The following ANOS1 variants were observed in gnomAD, a reference collection of about 807,000 sequenced individuals.
ANOS1 encodes the protein anosmin-1.
Under a neutral mutation model 59.0 loss-of-function variants are expected in ANOS1, and 6 were observed. The observed-to-expected ratio is 0.10, with a 90% confidence interval of 0.06 to 0.20. The LOEUF (loss-of-function observed/expected upper bound fraction) is 0.20. ANOS1 is among the 10% of genes least tolerant of loss of function. ANOS1 has a pLI of 1.00. For missense variants in ANOS1, 433 were observed against 542.3 expected (o/e 0.80, Z 2.00); for synonymous variants, 217 against 223.4 (o/e 0.97, Z 0.25).
At chrX:8,715,118 G>T (rs73477323) in intron 1 of ANOS1, among the ~76,000 whole-genome samples, 2,668 of 112,336 alleles carry the variant, frequency 0.024, 87 homozygotes, top group African/African-American at 0.082. Context: ...GAATTAGAAG[G>T]ATGTCTGAAA....
chrX:8,578,327 A>AG (rs1450004672), intron 6 of ANOS1, among the ~76,000 whole-genome samples: 1 of 110,594 alleles, frequency 9.0e-6, no homozygotes, highest in African/African-American at 3.3e-5. Flanking sequence ...TAAAAAAAAA[A>AG]AAAAACTTAG....
intron 6 of ANOS1, among the ~76,000 whole-genome samples, chrX:8,571,604 T>G (rs1203056348): frequency 8.9e-6 from 1 of 112,304 alleles, no homozygotes. Context: ...TTCTGGTTTG[T>G]CTTATTAACA....
intron 2 of ANOS1, among the ~76,000 whole-genome samples, chrX:8,624,078 C>T (rs1931348401): frequency 1.1e-5 from 1 of 94,232 alleles, no homozygotes; most frequent in Non-Finnish European, 2.0e-5. Context: ...TGTGATGGGG[C>T]GATCTCGGCT....
chrX:8,613,183 A>G (rs1161994962), intron 3 of ANOS1, among the ~76,000 whole-genome samples: 1 of 107,492 alleles, frequency 9.3e-6, no homozygotes, highest in Non-Finnish European at 1.9e-5. Flanking sequence ...AACCATTTTC[A>G]TCTGCTGATT....
chrX:8,670,685 T>C (rs1932240469), intron 2 of ANOS1, among the ~76,000 whole-genome samples: 1 of 111,927 alleles, frequency 8.9e-6, no homozygotes, highest in Non-Finnish European at 1.9e-5. Context: ...TAGTCCTGAC[T>C]GTTTCTGGGC....
At chrX:8,703,529 G>A (rs1932766842) in intron 1 of ANOS1, among the ~76,000 whole-genome samples, 1 of 111,736 alleles carries the variant, frequency 8.9e-6, no homozygotes, top group African/African-American at 3.3e-5. Context: ...TGTAGTCAGG[G>A]AAACCAAGTA....
intron 3 of ANOS1, among the ~76,000 whole-genome samples, chrX:8,607,990 G>A (rs1610050): frequency 0.38 from 42,309 of 110,591 alleles, 5,815 homozygotes; most frequent in South Asian, 0.43. Flanking sequence ...TGATGATTTA[G>A]GCAAGTAAAA....
intron 2 of ANOS1, among the ~76,000 whole-genome samples, chrX:8,679,845 T>A (rs1015155964): frequency 1.8e-5 from 2 of 111,428 alleles, no homozygotes; most frequent in African/African-American, 6.5e-5. Context: ...GCAGGGTCCA[T>A]AAACCACACT....
intron 2 of ANOS1, among the ~76,000 whole-genome samples, chrX:8,663,782 A>G (rs141505131): frequency 0.016 from 1,775 of 111,982 alleles, 21 homozygotes; most frequent in African/African-American, 0.046. Flanking sequence ...ACCTTTTCTA[A>G]TAAAATTATT....
chrX:8,591,052 G>GA (rs1425466584), intron 4 of ANOS1, among the ~76,000 whole-genome samples: 12 of 110,353 alleles, frequency 1.1e-4, no homozygotes, highest in Admixed American at 6.8e-4. Flanking sequence ...CCATTAAAAA[G>GA]AAAAAAAAGA....
At chrX:8,610,025 A>C (rs1931020451) in intron 3 of ANOS1, among the ~76,000 whole-genome samples, 1 of 89,136 alleles carries the variant, frequency 1.1e-5, no homozygotes, top group African/African-American at 4.1e-5. Context: ...AAAAAAAAAA[A>C]AAAAAAAAAA....
At chrX:8,635,882 A>G (rs1450032470) in intron 2 of ANOS1, among the ~76,000 whole-genome samples, 1 of 111,934 alleles carries the variant, frequency 8.9e-6, no homozygotes, top group East Asian at 2.8e-4. Context: ...CAGGTTTTAC[A>G]GGCTGAATTA....
chrX:8,710,349 A>G lies in ANOS1; in HGVS notation c.208-10604T>C, dbSNP rs191605207. Among the ~76,000 whole-genome samples the G allele has an allele frequency of 5.2e-3, 578 of 112,100 alleles. 2 individuals carry two copies. The highest frequency in any genetic ancestry group is 0.018 in the African/African-American group (552 of 30,863). Reference sequence around the variant, plus strand: ...TACCTCACCAGCAGTCCTTCTGTGCAAAGTATTTTCATCAATGGGCATTCC... The same window carrying G: ...TACCTCACCAGCAGTCCTTCTGTGCGAAGTATTTTCATCAATGGGCATTCC... On this transcript the variant is annotated intron_variant, in intron 1 of 13. Transcript: ENST00000262648.
At chrX:8,583,195 C>T (rs762449451) in intron 6 of ANOS1, among the ~76,000 whole-genome samples, 11 of 107,049 alleles carry the variant, frequency 1.0e-4, no homozygotes, top group South Asian at 4.3e-4. Context: ...GATACTCCCA[C>T]GCTATAGGAC....
chrX:8,658,578 T>G (rs760544997), intron 2 of ANOS1, among the ~76,000 whole-genome samples: 4 of 112,416 alleles, frequency 3.6e-5, no homozygotes, highest in African/African-American at 1.3e-4. Flanking sequence ...ATGAATGAAT[T>G]TAATACTTGC....
chrX:8,547,329 C>A (rs1299227378), intron 9 of ANOS1, among the ~76,000 whole-genome samples: 1 of 111,674 alleles, frequency 9.0e-6, no homozygotes, highest in Non-Finnish European at 1.9e-5. Flanking sequence ...ACTTGACATT[C>A]CCGATCTTTC....
rs138783721 is a variant in ANOS1, at chrX:8,598,379, G to A, written c.319-1123C>T. The stretch of plus-strand genomic sequence containing the variant: ...TGCCTATTTTTCCTTAGGAAAAAAT[G>A]GTTCAGGACAGCACTCGGTCATCCC... On this transcript the variant is annotated intron_variant, in intron 3 of 13. Coordinates refer to ENST00000262648, the MANE Select transcript of ANOS1 (RefSeq NM_000216.4). Among the ~76,000 whole-genome samples the A allele has an allele frequency of 8.3e-3, 932 of 112,129 alleles. 18 individuals are homozygous for A. The highest frequency in any genetic ancestry group is 0.029 in the African/African-American group (883 of 30,859).
At chrX:8,665,067 C>G (rs1196859353) in intron 2 of ANOS1, among the ~76,000 whole-genome samples, 2 of 111,868 alleles carry the variant, frequency 1.8e-5, no homozygotes, top group East Asian at 5.6e-4. Flanking sequence ...AACGACAAGA[C>G]AAGCCTGAAG....
chrX:8,690,799 A>T (rs1932594275), intron 2 of ANOS1, among the ~76,000 whole-genome samples: 1 of 111,759 alleles, frequency 8.9e-6, no homozygotes, highest in Admixed American at 9.5e-5. Flanking sequence ...AATCACTAAC[A>T]GTTAGGAGTT....
Sources: allele counts gnomAD v4.1 joint callset (sites outside exome capture counted in the v4.1 genomes callset), GRCh38; gene constraint gnomAD v4.1.1; transcripts MANE v1.5; gene names NCBI Gene and HGNC (gene_info 2026-07-23, HGNC 2026-07-21).